INPP4B: variants seen among roughly 807,000 people sequenced by gnomAD.
The protein encoded by INPP4B is inositol polyphosphate 4-phosphatase type II.
In INPP4B, 55 loss-of-function variants were observed where a neutral mutation model predicts 122.5. The observed-to-expected ratio is 0.45, with a 90% CI of 0.36 to 0.56. The LOEUF is 0.56. INPP4B is among the 20% of genes least tolerant of loss of function. The pLI is 0.00. For missense variants in INPP4B, 1,000 were observed against 1,097.7 expected (o/e 0.91, Z 1.26); for synonymous variants, 403 against 388.7 (o/e 1.04, Z -0.43).
chr4:142,441,618 A>G (rs1269558343), intron 3 of INPP4B, among the ~76,000 whole-genome samples: 1 of 152,130 alleles, frequency 6.6e-6, no homozygotes, highest in African/African-American at 2.4e-5. Flanking sequence ...AAAAAAATGC[A>G]TATAGTGAGA....
chr4:142,647,553 TAGAC>T (rs1297226248), intron 2 of INPP4B, among the ~76,000 whole-genome samples: 2 of 152,106 alleles, frequency 1.3e-5, no homozygotes, highest in African/African-American at 4.8e-5. Flanking sequence ...TGTGGAGAAA[TAGAC>T]AGTGTCCCCA....
At chr4:142,063,857 A>G (rs1762225990) in intron 25 of INPP4B, among the ~76,000 whole-genome samples, 1 of 152,316 alleles carries the variant, frequency 6.6e-6, no homozygotes, top group Middle Eastern at 3.4e-3. Flanking sequence ...CTGCAAAGAA[A>G]TGTGACTTTC....
At chr4:142,191,981 A>G (rs1836029750) in intron 15 of INPP4B, among the ~76,000 whole-genome samples, 1 of 152,144 alleles carries the variant, frequency 6.6e-6, no homozygotes, top group African/African-American at 2.4e-5. Context: ...CTTCCTAAAC[A>G]TCTGGGCACC....
At chr4:142,580,604 A>G (rs909608616) in intron 2 of INPP4B, among the ~76,000 whole-genome samples, 1 of 152,044 alleles carries the variant, frequency 6.6e-6, no homozygotes, top group Non-Finnish European at 1.5e-5. Flanking sequence ...GAACGTGTTT[A>G]TGTGGTCCAT....
chr4:142,699,084 G>A (rs1580730012), intron 2 of INPP4B, among the ~76,000 whole-genome samples: 1 of 152,174 alleles, frequency 6.6e-6, no homozygotes, highest in East Asian at 1.9e-4. Context: ...GTGCATGGGT[G>A]GGGTGGAAGT....
At chr4:142,219,647 C>T (rs1210401980) in intron 12 of INPP4B, among the ~76,000 whole-genome samples, 6 of 152,162 alleles carry the variant, frequency 3.9e-5, no homozygotes, top group Non-Finnish European at 7.4e-5. Context: ...AGACAGAGTG[C>T]TAGCATTCTC....
intron 2 of INPP4B, among the ~76,000 whole-genome samples, chr4:142,664,549 G>A (rs528093575): frequency 1.3e-5 from 2 of 150,904 alleles, no homozygotes; most frequent in Non-Finnish European, 1.5e-5. Flanking sequence ...TCAGAAACAC[G>A]AAGACTAACA....
chr4:142,201,671 T>C (rs990420394), intron 14 of INPP4B, among the ~76,000 whole-genome samples: 4 of 151,920 alleles, frequency 2.6e-5, no homozygotes, highest in Non-Finnish European at 4.4e-5. Flanking sequence ...CTGCAATTGA[T>C]TGTTTTCCTC....
chr4:142,841,778 A>G (rs1458351859), intron 1 of INPP4B, among the ~76,000 whole-genome samples: 1 of 151,914 alleles, frequency 6.6e-6, no homozygotes, highest in African/African-American at 2.4e-5. Context: ...TTGATCTTGG[A>G]AGATGCTTTA....
chr4:142,257,155 A>G (rs1177614016), intron 11 of INPP4B, among the ~76,000 whole-genome samples: 1 of 151,800 alleles, frequency 6.6e-6, no homozygotes, highest in Non-Finnish European at 1.5e-5. Flanking sequence ...AAATTCAACA[A>G]CCCTTCATGC....
At chr4:142,467,404 C>T (rs1250895387) in intron 2 of INPP4B, among the ~76,000 whole-genome samples, 4 of 152,172 alleles carry the variant, frequency 2.6e-5, no homozygotes, top group Admixed American at 2.6e-4. Context: ...TTAATGATAG[C>T]CTTGCTGGGT....
At chr4:142,291,240 G>A (rs1170489581) in intron 9 of INPP4B, among the ~76,000 whole-genome samples, 1 of 152,102 alleles carries the variant, frequency 6.6e-6, no homozygotes, top group Non-Finnish European at 1.5e-5. Flanking sequence ...TTACAAGATG[G>A]AGGAAATCAT....
At position 142,806,848 on chromosome 4, in the gene INPP4B, AAAG is replaced by A. The variant is rs1561091745; in HGVS notation, c.-254+39358_-254+39360del. On this transcript the variant is annotated intron_variant, in intron 1 of 25. Coordinates refer to ENST00000262992, the MANE Select transcript of INPP4B (RefSeq NM_001101669.3). ...GAAAGAAAGAAAGAAAGAAAGAAAG[AAAG>A]GAGAAGAAAAAGAAACAAGCTAAAG... is the stretch of plus-strand genomic sequence containing the variant. Among the ~76,000 whole-genome samples the A allele has an allele frequency of 2.3e-3, 344 of 148,720 alleles. 2 individuals carry two copies. Among genetic ancestry groups the A allele is most frequent in the African/African-American group, 8.4e-3 (324 of 38,758 alleles).
In INPP4B at chr4:142,173,726, G is replaced by A. The variant is rs765009112; in HGVS notation, c.1265C>T (p.Pro422Leu). ...TAGGTCTGCATGGGTTGCTATAAGA[G>A]GTTGTAGTTGATTGATGTTGCTGAG... ...EVLSNINQLQPLIATHADLLL... is the reference protein window; with the variant it reads ...EVLSNINQLQLLIATHADLLL... Residue 422 changes from proline to leucine, a missense_variant, in exon 16 of 26, where the codon CCT (proline) becomes CTT (leucine). Pro to Leu is a moderately conservative substitution (Grantham distance 98). Transcript: ENST00000262992. 6.2e-7 allele frequency: 1 copy of A among 1,613,312 alleles called. No individual in the cohort carries two copies. The highest frequency in any genetic ancestry group is 1.1e-5 in the South Asian group (1 of 91,060).
At chr4:142,407,672 G>T (rs1303334329) in intron 5 of INPP4B, among the ~76,000 whole-genome samples, 1 of 151,982 alleles carries the variant, frequency 6.6e-6, no homozygotes, top group Non-Finnish European at 1.5e-5. Flanking sequence ...TCTTCCTACA[G>T]CTCAGAGGAT....
At chr4:142,156,176 GT>G (rs1817096647) in intron 17 of INPP4B, among the ~76,000 whole-genome samples, 2 of 151,808 alleles carry the variant, frequency 1.3e-5, no homozygotes, top group African/African-American at 4.8e-5. Context: ...TGTTTTTCTA[GT>G]TTTGCAGTTT....
chr4:142,305,734 AT>A, intron 8 of INPP4B, 197 bp from the exon 9 acceptor site: 1 of 1,407,190 alleles, frequency 7.1e-7, no homozygotes, highest in Admixed American at 2.8e-5. Flanking sequence ...AAAATGTATC[AT>A]TTTCCCTAAA....
At chr4:142,710,027 T>C (rs997548967) in intron 2 of INPP4B, among the ~76,000 whole-genome samples, 3 of 152,236 alleles carry the variant, frequency 2.0e-5, no homozygotes, top group Non-Finnish European at 2.9e-5. Context: ...CTCTAGTATA[T>C]GCCAAGCACT....
chr4:142,108,107 T>G lies in INPP4B; in HGVS notation c.2360A>C (p.Lys787Thr). The change falls in exon 23 of 26, where the codon AAG becomes ACG. Residue 787 changes from lysine (K) to threonine (T), a missense_variant. Physicochemically the swap from Lys to Thr is moderately conservative, Grantham distance 78 (BLOSUM62 -1). Coordinates refer to ENST00000262992, the MANE Select transcript of INPP4B (RefSeq NM_001101669.3). ...CACATACTTACAATCAGGAGGCATC[T>G]TTTCCATAAATATCTTGTAATATTC... ...LQEYYKIFME[K>T]MPPDYISHFQ... The G allele has an allele frequency of 6.5e-7, 1 of 1,538,564 alleles. No individual in the cohort carries two copies. The highest frequency in any genetic ancestry group is 9.0e-7 in the Non-Finnish European group (1 of 1,114,210).
Sources: gnomAD v4.1 joint callset for allele counts (sites outside exome capture counted in the v4.1 genomes callset) on GRCh38, gnomAD v4.1.1 for gene constraint, MANE v1.5 for transcripts, NCBI Gene and HGNC (gene_info 2026-07-23, HGNC 2026-07-21) for gene names.